The following NHEJ1 variants were observed in gnomAD, a reference collection of about 807,000 sequenced individuals.
The protein encoded by NHEJ1 is non-homologous end joining factor 1, also known as non-homologous end-joining factor 1.
In NHEJ1, 22 loss-of-function variants were observed where a neutral mutation model predicts 39.4. The observed-to-expected ratio is 0.56, with a 90% CI of 0.40 to 0.80. The LOEUF (loss-of-function observed/expected upper bound fraction) is 0.80. Among genes scored for constraint, NHEJ1 ranks in the 30% least tolerant of loss-of-function variants. NHEJ1 has a pLI of 0.00. For missense variants in NHEJ1, 329 were observed against 357.1 expected (o/e 0.92, Z 0.63); for synonymous variants, 154 against 135.6 (o/e 1.14, Z -0.94).
intron 5 of NHEJ1, among the ~76,000 whole-genome samples, chr2:219,092,413 C>A (rs1451843857): frequency 3.9e-5 from 6 of 152,130 alleles, no homozygotes; most frequent in African/African-American, 1.2e-4. Context: ...CACATTAAAT[C>A]ATGAGATCTA....
chr2:219,124,680 T>A (rs931322522), intron 5 of NHEJ1: 12 of 151,716 alleles, frequency 7.9e-5, no homozygotes, highest in African/African-American at 2.9e-4. Flanking sequence ...TTAAGACACA[T>A]CCTAGATAAA....
At chr2:219,158,829 A>C in intron 1 of NHEJ1, 1 of 185,162 alleles carries the variant, frequency 5.4e-6, no homozygotes. Flanking sequence ...GGAAATTCGA[A>C]GTATTTGATC....
At chr2:219,159,526 CATATATAT>C (rs5838720) in intron 1 of NHEJ1, among the ~76,000 whole-genome samples, 1 of 42,092 alleles carries the variant, frequency 2.4e-5, no homozygotes, top group African/African-American at 9.2e-5. Flanking sequence ...TATATATATG[CATATATAT>C]ATGCATATAT....
chr2:219,157,430 AC>A (rs750286521), intron 3 of NHEJ1, 41 bp downstream of exon 3: 13 of 1,553,380 alleles, frequency 8.4e-6, no homozygotes, highest in Non-Finnish European at 1.2e-5. Context: ...TCTCAAAGCA[AC>A]TGGCATCCCT....
At chr2:219,145,929 T>A (rs1385822823) in intron 5 of NHEJ1, among the ~76,000 whole-genome samples, 1 of 131,232 alleles carries the variant, frequency 7.6e-6, no homozygotes, top group African/African-American at 2.9e-5. Context: ...TGAAACTCCA[T>A]CTCAAAAAAA....
intron 5 of NHEJ1, among the ~76,000 whole-genome samples, chr2:219,135,043 T>TAAAAAAAAAAAAAA (rs59843524): frequency 2.7e-5 from 3 of 110,416 alleles, no homozygotes; most frequent in Admixed American, 9.4e-5. Flanking sequence ...CCGTCTCAAT[T>TAAAAAAAAAAAAAA]AAAAAAAAAA....
intron 5 of NHEJ1, among the ~76,000 whole-genome samples, chr2:219,137,168 A>T (rs1364800530): frequency 6.6e-6 from 1 of 152,046 alleles, no homozygotes; most frequent in African/African-American, 2.4e-5. Context: ...AAAACAAAAT[A>T]TAGTTGAGAA....
intron 5 of NHEJ1, among the ~76,000 whole-genome samples, chr2:219,116,331 T>C (rs1559194794): frequency 1.3e-5 from 2 of 152,130 alleles, no homozygotes; most frequent in Non-Finnish European, 2.9e-5. Context: ...GGTTTACACA[T>C]TGCAATTGGT....
chr2:219,072,558 A>G lies in NHEJ1; in HGVS notation c.*3823T>C, dbSNP rs1341892924. 6.6e-6 allele frequency among the ~76,000 whole-genome samples: 1 copy of G among 151,768 alleles called. No homozygotes were observed. Among genetic ancestry groups the G allele is most frequent in the Non-Finnish European group, 1.5e-5 (1 of 68,030 alleles). ...ATCAAAACCTAGTTGACATAAAATT[A>G]TATTTGTTAATGGTATAATATCCCT... On this transcript the variant is annotated 3_prime_UTR_variant, in exon 8 of 8. Coordinates refer to ENST00000356853, the MANE Select transcript of NHEJ1 (RefSeq NM_024782.3).
chr2:219,119,700 T>G (rs1159841478), intron 5 of NHEJ1, among the ~76,000 whole-genome samples: 1 of 152,184 alleles, frequency 6.6e-6, no homozygotes, highest in Non-Finnish European at 1.5e-5. Context: ...CTACCTTCCT[T>G]AATTCACCAT....
At chr2:219,096,845 G>A (rs186214128) in intron 5 of NHEJ1, among the ~76,000 whole-genome samples, 1 of 152,284 alleles carries the variant, frequency 6.6e-6, no homozygotes, top group African/African-American at 2.4e-5. Flanking sequence ...CAGGTAAGAA[G>A]GGGCCTTGTG....
At chr2:219,157,987 TCTCTCACACACACACACACACA>T (rs1949872019) in intron 2 of NHEJ1, among the ~76,000 whole-genome samples, 177 bp downstream of exon 2, 1 of 68,698 alleles carries the variant, frequency 1.5e-5, no homozygotes, top group African/African-American at 4.9e-5. Flanking sequence ...TCTCTCTCTC[TCTCTCACACACACACACACACA>T]CACACACACA....
At chr2:219,156,046 G>A (rs1348966254) in intron 3 of NHEJ1, among the ~76,000 whole-genome samples, 2 of 151,852 alleles carry the variant, frequency 1.3e-5, no homozygotes, top group Non-Finnish European at 2.9e-5. Flanking sequence ...TCAGGAGATC[G>A]AGACCATCCT....
At chr2:219,089,577 A>G (rs1949142888) in intron 5 of NHEJ1, among the ~76,000 whole-genome samples, 2 of 152,178 alleles carry the variant, frequency 1.3e-5, no homozygotes, top group African/African-American at 4.8e-5. Flanking sequence ...AGGGGATAGG[A>G]GACAGGGTGA....
chr2:219,148,399 A>T (rs190045610), intron 3 of NHEJ1, among the ~76,000 whole-genome samples: 4,494 of 152,176 alleles, frequency 0.03, 131 homozygotes, highest in Admixed American at 0.067. Context: ...CCAAAAAAAA[A>T]TTTTTTAACA....
Position 219,070,886 on chromosome 2 carries a change from G to A in NHEJ1, c.*5495C>T, listed in dbSNP as rs1350308533. On this transcript the variant is annotated 3_prime_UTR_variant, in exon 8 of 8. Transcript: ENST00000356853. The stretch of plus-strand genomic sequence containing the variant: ...TATCACCTTCAAATGTCATCACACC[G>A]TTATTAGTATTGCTGTTATCTATGA... Among the ~76,000 whole-genome samples, 5 of 152,090 alleles carry A rather than the reference G, an allele frequency of 3.3e-5. No individual in the cohort carries two copies. The highest frequency in any genetic ancestry group is 4.1e-4 in the South Asian group (2 of 4,822).
chr2:219,103,922 AC>A (rs989601158), intron 5 of NHEJ1, among the ~76,000 whole-genome samples: 1 of 152,186 alleles, frequency 6.6e-6, no homozygotes, highest in African/African-American at 2.4e-5. Flanking sequence ...CAGGATTCAA[AC>A]CCAGGTTTGC....
chr2:219,070,233 G>C lies in NHEJ1; in HGVS notation c.*6148C>G, dbSNP rs1430013196. 3.3e-5 allele frequency among the ~76,000 whole-genome samples: 5 copies of C among 151,988 alleles called. No individual in the cohort carries two copies. The highest frequency in any genetic ancestry group is 1.2e-4 in the African/African-American group (5 of 41,376). On this transcript the variant is annotated 3_prime_UTR_variant, in exon 8 of 8. Transcript: ENST00000356853. ...ATGGAGTCTTGCTCTGTCGCCCAGG[G>C]TGGAGTGCAGTGGCACGATCTCAGC...
intron 3 of NHEJ1, among the ~76,000 whole-genome samples, chr2:219,154,298 G>A (rs1041902616): frequency 6.6e-6 from 1 of 152,056 alleles, no homozygotes; most frequent in Non-Finnish European, 1.5e-5. Context: ...ATATTTGGTC[G>A]TATGAAGATA....
Sources: allele counts gnomAD v4.1 joint callset (sites outside exome capture counted in the v4.1 genomes callset), GRCh38; gene constraint gnomAD v4.1.1; transcripts MANE v1.5; gene names NCBI Gene and HGNC (gene_info 2026-07-23, HGNC 2026-07-21).